The following LRP1B variants were observed in gnomAD, a reference collection of about 807,000 sequenced individuals.
LRP1B encodes the protein low-density lipoprotein receptor-related protein 1B.
A neutral mutation model predicts 556.6 loss-of-function variants in LRP1B; 217 were observed. The observed-to-expected ratio is 0.39, with a 90% CI of 0.35 to 0.44. The LOEUF (loss-of-function observed/expected upper bound fraction) is 0.44, where lower values mean the gene tolerates loss of function less well. Among genes scored for constraint, LRP1B ranks in the 20% least tolerant of loss-of-function variants. The pLI is 1.00. For synonymous variants in LRP1B, 2,047 were observed against 1,865.8 expected (o/e 1.10, Z -2.50); for missense variants, 5,053 against 5,620.8 (o/e 0.90, Z 3.23).
intron 2 of LRP1B, among the ~76,000 whole-genome samples, chr2:141,576,012 A>G (rs1248911607): frequency 6.6e-6 from 1 of 152,192 alleles, no homozygotes; most frequent in East Asian, 1.9e-4. Flanking sequence ...TCGTTCAACC[A>G]TTGTGGAAGA....
intron 1 of LRP1B, among the ~76,000 whole-genome samples, chr2:141,978,117 T>C (rs1701936543): frequency 6.6e-6 from 1 of 152,146 alleles, no homozygotes; most frequent in South Asian, 2.1e-4. Flanking sequence ...TTGATTATTT[T>C]CAGTATTAAT....
intron 43 of LRP1B, among the ~76,000 whole-genome samples, chr2:140,597,738 T>A (rs999276994): frequency 6.6e-6 from 1 of 152,208 alleles, no homozygotes; most frequent in African/African-American, 2.4e-5. Context: ...TTGAATACTG[T>A]CAGGTCTATT....
intron 3 of LRP1B, among the ~76,000 whole-genome samples, chr2:141,370,068 C>G (rs72983120): frequency 0.063 from 9,572 of 152,110 alleles, 428 homozygotes; most frequent in African/African-American, 0.12. Context: ...GCTTGATTGC[C>G]TATCTTTGCT....
chr2:141,070,907 G>A (rs1699621130), intron 7 of LRP1B, among the ~76,000 whole-genome samples: 1 of 152,068 alleles, frequency 6.6e-6, no homozygotes, highest in Admixed American at 6.5e-5. Flanking sequence ...TGGATTCACA[G>A]CCGAATTCTA....
intron 2 of LRP1B, among the ~76,000 whole-genome samples, chr2:141,594,650 T>C (rs1418400436): frequency 1.3e-5 from 2 of 152,152 alleles, no homozygotes; most frequent in Non-Finnish European, 2.9e-5. Flanking sequence ...TATTAATTTA[T>C]CAAAATTGTC....
At chr2:141,005,515 G>A (rs2105374284) in intron 14 of LRP1B, 58 bp from the exon 15 acceptor site, 1 of 1,558,900 alleles carries the variant, frequency 6.4e-7, no homozygotes, top group Non-Finnish European at 8.8e-7. Context: ...CTTTCTAGGA[G>A]GTGAACATAG....
chr2:141,347,752 T>A (rs536787581), intron 3 of LRP1B, among the ~76,000 whole-genome samples: 3 of 152,180 alleles, frequency 2.0e-5, no homozygotes, highest in Non-Finnish European at 4.4e-5. Flanking sequence ...ATTCAGCTAC[T>A]AATATTTTCA....
In LRP1B at chr2:140,487,634, T is replaced by G. The variant is rs1397380423; in HGVS notation, c.9226A>C (p.Asn3076His). The part of the protein sequence containing the change: ...NGSRINRMCL[N>H]GSDIKVVHNT... ...TTAGTTACCTTAATGTCACTTCCAT[T>G]TAAACACATTCTATTTATGCGACTG... The change falls in exon 58 of 91, where the codon AAT becomes CAT. Residue 3076 changes from asparagine (N) to histidine (H), a missense_variant. This residue lies in a region of LRP1B where 3,619 missense variants were observed against 3,931.9 expected (regional missense o/e 0.92). Transcript: ENST00000389484. 1.2e-6 allele frequency: 2 copies of G among 1,609,100 alleles called. No individual in the cohort carries two copies. Among genetic ancestry groups the G allele is most frequent in the Admixed American group, 1.7e-5 (1 of 59,430 alleles).
At chr2:140,336,766 G>C (rs1307016571) in intron 77 of LRP1B, among the ~76,000 whole-genome samples, 6 of 151,896 alleles carry the variant, frequency 4.0e-5, no homozygotes, top group African/African-American at 1.4e-4. Flanking sequence ...AATTCATTGA[G>C]ACTGGACAGC....
intron 1 of LRP1B, among the ~76,000 whole-genome samples, chr2:141,946,861 T>G (rs1700967595): frequency 6.6e-6 from 1 of 152,124 alleles, no homozygotes. Flanking sequence ...AGGAACGATA[T>G]TAGCGATATG....
intron 61 of LRP1B, 94 bp downstream of exon 61, chr2:140,457,369 A>T (rs1687146216): frequency 9.7e-7 from 1 of 1,028,936 alleles, no homozygotes; most frequent in African/African-American, 1.6e-5. Context: ...ATCTTCATCA[A>T]AAATAAAATT....
intron 6 of LRP1B, among the ~76,000 whole-genome samples, chr2:141,191,680 C>CT (rs11394147): frequency 0.73 from 108,717 of 148,136 alleles, 41,197 homozygotes; most frequent in Middle Eastern, 0.83. Context: ...CAAAAATAAG[C>CT]TTTTTTTTTT....
chr2:141,786,722 C>T (rs549776761), intron 2 of LRP1B, among the ~76,000 whole-genome samples: 4 of 151,762 alleles, frequency 2.6e-5, no homozygotes, highest in African/African-American at 9.7e-5. Context: ...TGTTCTTGAT[C>T]AACCAAAAAA....
At chr2:141,451,339 A>C (rs1559077308) in intron 3 of LRP1B, among the ~76,000 whole-genome samples, 2 of 152,212 alleles carry the variant, frequency 1.3e-5, no homozygotes, top group South Asian at 4.1e-4. Context: ...TCAATTTAAA[A>C]GCTCAGTATT....
chr2:140,917,665 A>C (rs933207824), intron 21 of LRP1B, among the ~76,000 whole-genome samples: 2 of 152,166 alleles, frequency 1.3e-5, no homozygotes, highest in African/African-American at 4.8e-5. Flanking sequence ...TAAAAAGATC[A>C]GTAGCTTCCA....
intron 3 of LRP1B, among the ~76,000 whole-genome samples, chr2:141,337,378 C>A (rs1687884203): frequency 6.6e-6 from 1 of 152,124 alleles, no homozygotes; most frequent in Admixed American, 6.6e-5. Flanking sequence ...ATCATAGCAT[C>A]CCCTTTTAAT....
At chr2:140,799,885 A>C (rs142470913) in intron 32 of LRP1B, among the ~76,000 whole-genome samples, 2,592 of 152,164 alleles carry the variant, frequency 0.017, 79 homozygotes, top group Admixed American at 0.078. Context: ...GGTTCATCTC[A>C]CTGGGGCTTG....
At chr2:141,364,413 C>A (rs1018294302) in intron 3 of LRP1B, among the ~76,000 whole-genome samples, 1 of 147,306 alleles carries the variant, frequency 6.8e-6, no homozygotes, top group Non-Finnish European at 1.5e-5. Context: ...TAAATCATAA[C>A]ACACACACAC....
chr2:141,541,322 A>G (rs894814431), intron 2 of LRP1B, among the ~76,000 whole-genome samples: 3 of 152,026 alleles, frequency 2.0e-5, no homozygotes, highest in African/African-American at 7.2e-5. Context: ...TTAGTTTTAA[A>G]CATGCTTTGG....
Sources: gnomAD v4.1 joint callset for allele counts (sites outside exome capture counted in the v4.1 genomes callset) on GRCh38, gnomAD v4.1.1 for gene constraint, gnomAD v4.1.1 regional missense constraint, MANE v1.5 for transcripts, NCBI Gene and HGNC (gene_info 2026-07-23, HGNC 2026-07-21) for gene names.